Variants in R3HDM2 observed in about 807,000 individuals in gnomAD.
R3HDM2 encodes R3H domain containing 2, also known as R3H domain-containing protein 2.
A neutral mutation model predicts 124.5 loss-of-function variants in R3HDM2; 38 were observed. The observed-to-expected ratio is 0.31, with a 90% CI of 0.24 to 0.40. The LOEUF is 0.40. R3HDM2 is among the 10% of genes least tolerant of loss of function. The probability of loss-of-function intolerance (pLI) is 1.00; values close to 1 mark genes in which losing one functional copy is unlikely to be tolerated. For synonymous variants in R3HDM2, 391 were observed against 448.0 expected (o/e 0.87, Z 1.61); for missense variants, 869 against 1,236.9 (o/e 0.70, Z 4.46).
intron 1 of R3HDM2, among the ~76,000 whole-genome samples, chr12:57,397,711 C>T (rs372460554): frequency 1.1e-4 from 17 of 152,112 alleles, no homozygotes; most frequent in African/African-American, 4.1e-4. Flanking sequence ...TTACTAGTTT[C>T]CTTTCCCCAT....
intron 2 of R3HDM2, among the ~76,000 whole-genome samples, chr12:57,360,213 A>C (rs915181039): frequency 2.0e-5 from 3 of 151,428 alleles, no homozygotes; most frequent in Admixed American, 1.3e-4. Context: ...TTTTTAGTAG[A>C]GACAGGGTTT....
intron 2 of R3HDM2, among the ~76,000 whole-genome samples, chr12:57,313,122 CT>C (rs2054263369): frequency 6.6e-6 from 1 of 152,064 alleles, no homozygotes; most frequent in Admixed American, 6.6e-5. Flanking sequence ...ATACATGGGA[CT>C]TTGTTTATGT....
At chr12:57,415,209 G>C (rs2069454243) in intron 1 of R3HDM2, 1 of 152,070 alleles carries the variant, frequency 6.6e-6, no homozygotes. Flanking sequence ...TAAGGGAGGA[G>C]AAAAGCTCTT....
intron 1 of R3HDM2, among the ~76,000 whole-genome samples, chr12:57,427,461 T>C (rs1026951792): frequency 6.7e-6 from 1 of 149,742 alleles, no homozygotes; most frequent in Non-Finnish European, 1.5e-5. Context: ...GCCACTCTCC[T>C]GCCTCAGCCT....
chr12:57,272,417 C>T, intron 14 of R3HDM2: 1 of 1,502,936 alleles, frequency 6.7e-7, no homozygotes, highest in Non-Finnish European at 9.1e-7. Flanking sequence ...ACAGGCCACA[C>T]ATGAACAAGA....
intron 2 of R3HDM2, among the ~76,000 whole-genome samples, chr12:57,371,940 T>C (rs948880306): frequency 6.6e-5 from 10 of 152,348 alleles, no homozygotes; most frequent in Admixed American, 4.6e-4. Context: ...CGGTCTCGGC[T>C]CACTATAACC....
chr12:57,308,316 A>T (rs1206863154), intron 3 of R3HDM2, among the ~76,000 whole-genome samples: 1 of 150,650 alleles, frequency 6.6e-6, no homozygotes, highest in Non-Finnish European at 1.5e-5. Context: ...TTGGCCTCCC[A>T]AAGTGCTGGG....
intron 11 of R3HDM2, among the ~76,000 whole-genome samples, chr12:57,291,950 G>A (rs917048855): frequency 6.6e-6 from 1 of 152,210 alleles, no homozygotes; most frequent in Non-Finnish European, 1.5e-5. Flanking sequence ...ACTGATTCAT[G>A]TTGGCTTTTA....
At chr12:57,329,423 C>A (rs1361914689) in intron 2 of R3HDM2, among the ~76,000 whole-genome samples, 1 of 152,174 alleles carries the variant, frequency 6.6e-6, no homozygotes, top group African/African-American at 2.4e-5. Context: ...TGAGCCTCAG[C>A]CTCCTTATCT....
chr12:57,358,130 C>T (rs1346940227), intron 2 of R3HDM2, among the ~76,000 whole-genome samples: 6 of 137,568 alleles, frequency 4.4e-5, no homozygotes, highest in East Asian at 2.1e-4. Context: ...AGGCGCGTGA[C>T]GCTACGCCCA....
intron 2 of R3HDM2, among the ~76,000 whole-genome samples, chr12:57,347,283 CAT>C (rs1188653449): frequency 7.2e-5 from 11 of 151,884 alleles, no homozygotes; most frequent in African/African-American, 1.5e-4. Flanking sequence ...TACATGCACA[CAT>C]GTGTACATGT....
intron 2 of R3HDM2, among the ~76,000 whole-genome samples, chr12:57,388,760 C>T (rs2066250533): frequency 1.3e-5 from 2 of 151,810 alleles, no homozygotes; most frequent in South Asian, 4.2e-4. Flanking sequence ...ATTAGGACTC[C>T]ACATGGAAGA....
chr12:57,302,247 C>T (rs1736537878), intron 4 of R3HDM2, among the ~76,000 whole-genome samples: 1 of 151,920 alleles, frequency 6.6e-6, no homozygotes, highest in South Asian at 2.1e-4. Flanking sequence ...CACCACTGCA[C>T]TCCGGCTACA....
At chr12:57,375,522 GA>G (rs2063930813) in intron 2 of R3HDM2, among the ~76,000 whole-genome samples, 1 of 152,106 alleles carries the variant, frequency 6.6e-6, no homozygotes, top group African/African-American at 2.4e-5. Flanking sequence ...GCAAAGACCA[GA>G]ACAGAATGCA....
intron 2 of R3HDM2, among the ~76,000 whole-genome samples, chr12:57,355,456 CAA>C (rs1275868390): frequency 2.2e-4 from 11 of 51,124 alleles, no homozygotes; most frequent in Admixed American, 2.3e-4. Context: ...GAGACTGTCT[CAA>C]AAAAAAAAAA....
intron 2 of R3HDM2, among the ~76,000 whole-genome samples, chr12:57,345,190 C>G (rs995355538): frequency 6.6e-5 from 10 of 151,818 alleles, no homozygotes; most frequent in African/African-American, 2.4e-4. Flanking sequence ...ACCTGAGGAA[C>G]AATACCAAAA....
chr12:57,417,210 C>T (rs1371323608), intron 1 of R3HDM2, among the ~76,000 whole-genome samples: 1 of 151,990 alleles, frequency 6.6e-6, no homozygotes, highest in East Asian at 1.9e-4. Context: ...TTGAGACCAG[C>T]CTGACCAACA....
At chr12:57,285,302 G>A (rs2047076694) in intron 12 of R3HDM2, among the ~76,000 whole-genome samples, 1 of 152,124 alleles carries the variant, frequency 6.6e-6, no homozygotes, top group African/African-American at 2.4e-5. Flanking sequence ...CAAAGGCACT[G>A]TAGGAAAAAT....
chr12:57,277,099 CAAAAAAA>C (rs11321648), intron 14 of R3HDM2, among the ~76,000 whole-genome samples: 3 of 106,410 alleles, frequency 2.8e-5, no homozygotes, highest in South Asian at 3.2e-4. Flanking sequence ...AAATAATGAA[CAAAAAAA>C]AAAAAAAAAA....
Sources: allele counts gnomAD v4.1 joint callset (sites outside exome capture counted in the v4.1 genomes callset), GRCh38; gene constraint gnomAD v4.1.1; transcripts MANE v1.5; gene names NCBI Gene and HGNC (gene_info 2026-07-23, HGNC 2026-07-21).